Variants in TENM2 observed in about 807,000 individuals in gnomAD.
The protein encoded by TENM2 is teneurin transmembrane protein 2.
A neutral mutation model predicts 245.2 loss-of-function variants in TENM2; 52 were observed. The ratio of observed to expected loss-of-function variants is 0.21; its 90% CI spans 0.17 to 0.27. The LOEUF (loss-of-function observed/expected upper bound fraction) is 0.27. Ranked by LOEUF, TENM2 falls within the 10% of genes least tolerant of loss-of-function variation. TENM2 has a pLI of 1.00. For missense variants in TENM2, 3,046 were observed against 3,666.8 expected (o/e 0.83, Z 4.37); for synonymous variants, 1,363 against 1,438.9 (o/e 0.95, Z 1.19).
chr5:167,524,604 G>A (rs1023291747), intron 2 of TENM2, among the ~76,000 whole-genome samples: 4 of 151,818 alleles, frequency 2.6e-5, no homozygotes, highest in Admixed American at 6.6e-5. Flanking sequence ...GCTTTTTAAC[G>A]AGCTCCCAAG....
At chr5:168,221,090 C>G (rs188150532) in intron 23 of TENM2, among the ~76,000 whole-genome samples, 1 of 149,900 alleles carries the variant, frequency 6.7e-6, no homozygotes, top group Non-Finnish European at 1.5e-5. Context: ...CCAGCCTGGG[C>G]GACAGAGCAA....
chr5:167,262,353 C>T, the TENM2 span, among the ~76,000 whole-genome samples: 1 of 144,060 alleles, frequency 6.9e-6, no homozygotes. Context: ...AGTGTAACCC[C>T]ATCTCAAAAA....
intron 12 of TENM2, among the ~76,000 whole-genome samples, chr5:168,155,892 TAAAAAAAAAAA>T (rs55977607): frequency 0.25 from 24,755 of 97,200 alleles, 3,132 homozygotes; most frequent in East Asian, 0.61. Context: ...CTGGCATCTG[TAAAAAAAAAAA>T]AAAAAAAAAA....
the TENM2 span, among the ~76,000 whole-genome samples, chr5:167,047,568 A>G: frequency 2.6e-5 from 4 of 152,244 alleles, no homozygotes; most frequent in Non-Finnish European, 5.9e-5. Flanking sequence ...AATTAAAGGC[A>G]GGTATTAGGA....
chr5:167,910,080 A>G (rs1205234017), intron 3 of TENM2, among the ~76,000 whole-genome samples: 2 of 152,076 alleles, frequency 1.3e-5, no homozygotes, highest in African/African-American at 2.4e-5. Flanking sequence ...TGGATGTGTA[A>G]TTTATCTATC....
At chr5:167,716,769 A>G (rs1031709451) in intron 2 of TENM2, among the ~76,000 whole-genome samples, 1 of 152,122 alleles carries the variant, frequency 6.6e-6, no homozygotes, top group Non-Finnish European at 1.5e-5. Flanking sequence ...TACTATGCCT[A>G]TAATACAGAA....
chr5:167,378,329 T>C (rs1379961465), intron 2 of TENM2, among the ~76,000 whole-genome samples: 1 of 151,928 alleles, frequency 6.6e-6, no homozygotes, highest in Admixed American at 6.6e-5. Flanking sequence ...ATTGGATAAC[T>C]TGACAGTCCC....
Position 167,900,254 on chromosome 5 carries a change from G to A in TENM2, c.712+24059G>A, listed in dbSNP as rs532580731. ...TAGATGAGAGAAGCTGGTGAGCTAT[G>A]AAACAGCATTGGGACTTCTCTTGCA... On this transcript the variant is annotated intron_variant, in intron 3 of 28. Transcript: ENST00000518659. Among the ~76,000 whole-genome samples the A allele has an allele frequency of 5.3e-4, 80 of 151,592 alleles. No individual in the cohort carries two copies. The South Asian group carries it at 8.0e-3, about 15-fold the overall frequency.
At chr5:167,952,637 C>G in exon 4 of TENM2, 5 of 1,613,204 alleles carry the variant, frequency 3.1e-6, no homozygotes, top group Non-Finnish European at 4.2e-6. Context: ...CTCTCCCACC[C>G]CCTCACAACC....
chr5:167,111,849 T>C, the TENM2 span, among the ~76,000 whole-genome samples: 69 of 152,328 alleles, frequency 4.5e-4, 1 homozygote, highest in South Asian at 3.9e-3. Flanking sequence ...TCCTTTCTTA[T>C]TGTTTTCATT....
intron 2 of TENM2, among the ~76,000 whole-genome samples, chr5:167,619,973 T>C (rs1282409611): frequency 6.6e-6 from 1 of 152,194 alleles, no homozygotes; most frequent in Non-Finnish European, 1.5e-5. Context: ...GAGGTTATGC[T>C]GTAGAACCAG....
chr5:167,520,643 A>G (rs1384443153), intron 2 of TENM2, among the ~76,000 whole-genome samples: 1 of 152,188 alleles, frequency 6.6e-6, no homozygotes, highest in East Asian at 1.9e-4. Context: ...TGCAGAATAG[A>G]GTTTATGATT....
chr5:167,354,068 G>A (rs1759153869), intron 1 of TENM2, among the ~76,000 whole-genome samples: 3 of 152,110 alleles, frequency 2.0e-5, no homozygotes, highest in African/African-American at 4.8e-5. Context: ...AGTCTAACTG[G>A]GTTATACATT....
chr5:167,457,532 A>G (rs1765999210), intron 2 of TENM2, among the ~76,000 whole-genome samples: 1 of 151,876 alleles, frequency 6.6e-6, no homozygotes, highest in Admixed American at 6.6e-5. Context: ...TTTTTAGTAG[A>G]GATGGGGTTT....
chr5:167,074,585 A>G, the TENM2 span, among the ~76,000 whole-genome samples: 1 of 152,226 alleles, frequency 6.6e-6, no homozygotes, highest in African/African-American at 2.4e-5. Context: ...ATTTAGACAA[A>G]TAGTTAAGGA....
chr5:167,405,761 C>CACAA (rs1484904453), intron 2 of TENM2, among the ~76,000 whole-genome samples: 14 of 109,372 alleles, frequency 1.3e-4, no homozygotes, highest in African/African-American at 5.6e-4. Flanking sequence ...TTCAAACACA[C>CACAA]ACACACAAAC....
intron 2 of TENM2, among the ~76,000 whole-genome samples, chr5:167,433,660 G>A (rs1378379549): frequency 5.3e-5 from 8 of 151,986 alleles, no homozygotes; most frequent in East Asian, 3.9e-4. Context: ...TATTGGTATC[G>A]TCCTATCAAG....
At chr5:167,137,005 C>T in the TENM2 span, among the ~76,000 whole-genome samples, 2 of 152,114 alleles carry the variant, frequency 1.3e-5, no homozygotes, top group Non-Finnish European at 2.9e-5. Context: ...GATTGGATTC[C>T]CCGTGAGGGC....
At chr5:167,063,574 C>T in the TENM2 span, among the ~76,000 whole-genome samples, 8 of 152,094 alleles carry the variant, frequency 5.3e-5, no homozygotes, top group Admixed American at 3.9e-4. Flanking sequence ...ATGGCTTCCT[C>T]GACTTTGATT....
Sources: allele counts gnomAD v4.1 joint callset (sites outside exome capture counted in the v4.1 genomes callset), GRCh38; gene constraint gnomAD v4.1.1; transcripts MANE v1.5; gene names NCBI Gene and HGNC (gene_info 2026-07-23, HGNC 2026-07-21).